The following CSMD1 variants were observed in gnomAD, a reference collection of about 807,000 sequenced individuals.
The protein encoded by CSMD1 is CUB and Sushi multiple domains 1.
CSMD1 carries 213 observed loss-of-function variants against 417.5 expected under a neutral mutation model. The observed-to-expected ratio is 0.51, with a 90% CI of 0.46 to 0.57. CSMD1 has a LOEUF of 0.57. CSMD1 is among the 20% of genes least tolerant of loss of function. The probability of loss-of-function intolerance (pLI) is 0.00; values close to 1 mark genes in which losing one functional copy is unlikely to be tolerated. For missense variants in CSMD1, 6,923 were observed against 4,529.7 expected, an observed-to-expected ratio of 1.53 and a Z score of -15.17; for synonymous variants, 2,862 against 1,736.8, an observed-to-expected ratio of 1.65 and a Z score of -16.11.
chr8:4,865,081 G>T (rs539019822), intron 1 of CSMD1, among the ~76,000 whole-genome samples: 1 of 151,398 alleles, frequency 6.6e-6, no homozygotes, highest in Non-Finnish European at 1.5e-5. Flanking sequence ...GGTACACGTG[G>T]TTTTCTGTTA....
intron 10 of CSMD1, among the ~76,000 whole-genome samples, chr8:3,504,092 A>T (rs1563101470): frequency 6.6e-6 from 1 of 152,138 alleles, no homozygotes; most frequent in Non-Finnish European, 1.5e-5. Flanking sequence ...GAAAACAGGA[A>T]TTTAAATGTC....
intron 8 of CSMD1, among the ~76,000 whole-genome samples, chr8:3,595,353 T>C (rs933486601): frequency 1.3e-5 from 2 of 152,232 alleles, no homozygotes; most frequent in African/African-American, 4.8e-5. Flanking sequence ...ATGCCTTTTA[T>C]TACCCGTTTG....
intron 5 of CSMD1, among the ~76,000 whole-genome samples, chr8:3,957,551 G>T (rs1284413445): frequency 6.6e-6 from 1 of 152,032 alleles, no homozygotes; most frequent in African/African-American, 2.4e-5. Context: ...GGGCATGGCG[G>T]GGCATACTTG....
intron 25 of CSMD1, among the ~76,000 whole-genome samples, chr8:3,290,913 A>T (rs947568912): frequency 1.3e-5 from 2 of 152,160 alleles, no homozygotes; most frequent in African/African-American, 4.8e-5. Flanking sequence ...CTGTTTTCAA[A>T]GGGAATGCTT....
At chr8:3,294,317 G>A (rs1803801150) in intron 25 of CSMD1, among the ~76,000 whole-genome samples, 1 of 152,160 alleles carries the variant, frequency 6.6e-6, no homozygotes, top group Non-Finnish European at 1.5e-5. Context: ...ATCTCAAGCT[G>A]TGTGCTGGGA....
chr8:3,334,899 G>A (rs546223191), intron 23 of CSMD1, among the ~76,000 whole-genome samples: 7 of 152,350 alleles, frequency 4.6e-5, no homozygotes, highest in African/African-American at 1.4e-4. Context: ...ACCACTGGGT[G>A]ATCCCATTGC....
At chr8:4,259,130 A>G (rs1803692476) in intron 3 of CSMD1, among the ~76,000 whole-genome samples, 1 of 152,154 alleles carries the variant, frequency 6.6e-6, no homozygotes, top group Non-Finnish European at 1.5e-5. Context: ...TATCAGAGCT[A>G]ATTAGGCCTA....
At chr8:3,564,878 T>C (rs546981461) in intron 10 of CSMD1, among the ~76,000 whole-genome samples, 1 of 151,650 alleles carries the variant, frequency 6.6e-6, no homozygotes, top group Admixed American at 6.6e-5. Context: ...GGGTAAGTCA[T>C]AGACAATGAA....
chr8:3,138,069 T>A (rs1406433366), intron 41 of CSMD1, among the ~76,000 whole-genome samples: 1 of 151,878 alleles, frequency 6.6e-6, no homozygotes, highest in Non-Finnish European at 1.5e-5. Context: ...CTACTAAAAA[T>A]AAAAAAATTA....
At chr8:4,577,203 G>T (rs1373931956) in intron 2 of CSMD1, among the ~76,000 whole-genome samples, 1 of 152,010 alleles carries the variant, frequency 6.6e-6, no homozygotes, top group Non-Finnish European at 1.5e-5. Flanking sequence ...TCTTTTGAAT[G>T]TATCAAAATC....
At chr8:3,016,365 C>A (rs1313549062) in intron 52 of CSMD1, among the ~76,000 whole-genome samples, 1 of 152,100 alleles carries the variant, frequency 6.6e-6, no homozygotes, top group East Asian at 1.9e-4. Context: ...CTCACTCATC[C>A]CTATTTTCCT....
intron 3 of CSMD1, among the ~76,000 whole-genome samples, chr8:4,224,325 A>G (rs1801217948): frequency 6.6e-6 from 1 of 152,244 alleles, no homozygotes; most frequent in Non-Finnish European, 1.5e-5. Context: ...CCAGTCCAAG[A>G]GCACATTTTG....
chr8:3,270,869 A>T (rs140140683), intron 26 of CSMD1, among the ~76,000 whole-genome samples: 1 of 152,138 alleles, frequency 6.6e-6, no homozygotes, highest in East Asian at 1.9e-4. Context: ...AGGCCTCACA[A>T]TTATGGCAGA....
intron 7 of CSMD1, among the ~76,000 whole-genome samples, chr8:3,674,960 T>C (rs1161480019): frequency 1.3e-5 from 2 of 152,238 alleles, no homozygotes; most frequent in South Asian, 4.1e-4. Flanking sequence ...GCCAAAAACA[T>C]AAACAGGCAC....
At chr8:3,667,347 T>G (rs1206277934) in intron 7 of CSMD1, among the ~76,000 whole-genome samples, 2 of 152,080 alleles carry the variant, frequency 1.3e-5, no homozygotes, top group South Asian at 2.1e-4. Context: ...TCCCCTTGTG[T>G]AGGATGTCAT....
chr8:3,200,111 A>G (rs1026024031), intron 32 of CSMD1, among the ~76,000 whole-genome samples: 28 of 152,144 alleles, frequency 1.8e-4, no homozygotes, highest in African/African-American at 6.8e-4. Context: ...TAAAGGGTGA[A>G]TCATTTGCTC....
intron 1 of CSMD1, among the ~76,000 whole-genome samples, chr8:4,799,467 T>C (rs894320165): frequency 1.7e-4 from 25 of 151,248 alleles, no homozygotes; most frequent in Non-Finnish European, 7.4e-5. Context: ...CGCGTAATGG[T>C]GTGTGCCTGT....
chr8:3,243,374 G>T (rs1338818973), intron 26 of CSMD1, among the ~76,000 whole-genome samples: 1 of 152,078 alleles, frequency 6.6e-6, no homozygotes, highest in Non-Finnish European at 1.5e-5. Flanking sequence ...GAGCAATAAA[G>T]CTGTTTATTT....
At chr8:3,724,505 C>T (rs1905027) in intron 6 of CSMD1, among the ~76,000 whole-genome samples, 126,050 of 151,944 alleles carry the variant, frequency 0.83, 52,406 homozygotes, top group Middle Eastern at 0.91. Flanking sequence ...AAAAATGAAG[C>T]TGTTTGGGAT....
Sources: gnomAD v4.1 joint callset for allele counts (sites outside exome capture counted in the v4.1 genomes callset) on GRCh38, gnomAD v4.1.1 for gene constraint, MANE v1.5 for transcripts, NCBI Gene and HGNC (gene_info 2026-07-23, HGNC 2026-07-21) for gene names.